DNAH10: variants seen among roughly 807,000 people sequenced by gnomAD.
The protein encoded by DNAH10 is dynein axonemal heavy chain 10, also known as axonemal beta dynein heavy chain 10.
Under a neutral mutation model 506.6 loss-of-function variants are expected in DNAH10, and 348 were observed. The ratio of observed to expected loss-of-function variants is 0.69; its 90% CI spans 0.63 to 0.75. The LOEUF (loss-of-function observed/expected upper bound fraction) is 0.75. Ranked by LOEUF, DNAH10 falls within the 30% of genes least tolerant of loss-of-function variation. The pLI is 0.00. For missense variants in DNAH10, 5,179 were observed against 5,787.1 expected, an observed-to-expected ratio of 0.89 and a Z score of 3.41; for synonymous variants, 2,059 against 2,198.6, an observed-to-expected ratio of 0.94 and a Z score of 1.78.
At chr12:123,797,030 C>T (rs369436182) in intron 13 of DNAH10, among the ~76,000 whole-genome samples, 198 bp downstream of exon 13, 1 of 152,294 alleles carries the variant, frequency 6.6e-6, no homozygotes, top group East Asian at 1.9e-4. Context: ...GCCACCACGT[C>T]CGGCTAATTT....
At chr12:123,852,818 C>G (rs1951227362) in intron 35 of DNAH10, among the ~76,000 whole-genome samples, 1 of 152,198 alleles carries the variant, frequency 6.6e-6, no homozygotes. Context: ...AGGTGATCCA[C>G]CCACCTTGGC....
Position 123,916,505 on chromosome 12 carries a change from A to G in DNAH10, c.10771A>G (p.Ile3591Val), listed in dbSNP as rs769496865. 6 of 1,613,716 alleles carry G rather than the reference A, an allele frequency of 3.7e-6. No homozygotes were observed. The highest frequency in any genetic ancestry group is 5.1e-6 in the Non-Finnish European group (6 of 1,179,836). Residue 3591 changes from isoleucine to valine, a missense_variant, in exon 63 of 79, where the codon ATA becomes GTA. Physicochemically the swap from Ile to Val is conservative, Grantham distance 29. Transcript: ENST00000673944. This position sits in a 1 kb window ranked among gnomAD's most constrained non-coding sequence, Gnocchi z 4.6. ...PDFLKQLEMS[I>V]KYGTPFLFRD... ...CTTCCTCAAGCAGCTAGAGATGTCCATAAAGTACGGGACCCCTTTCCTGTT... is the reference window on the plus strand; with the variant it reads ...CTTCCTCAAGCAGCTAGAGATGTCCGTAAAGTACGGGACCCCTTTCCTGTT...
chr12:123,928,856 GCCC>G lies in DNAH10; in HGVS notation c.12306+278_12306+280del, dbSNP rs11338827. 3.8e-5 allele frequency: 16 copies of G among 419,734 alleles called. No homozygotes were observed. Among genetic ancestry groups the G allele is most frequent in the Middle Eastern group, 6.1e-4 (1 of 1,628 alleles). 26.0% of individuals were successfully genotyped at this position (419,734 alleles called of 1,614,324 possible). ...TACGCTACTTTTCATAAACTTCACG[GCCC>G]CCCCCCCCACACACAGCCTGCAGTT... On this transcript the variant is annotated intron_variant, in intron 70 of 78. Transcript: ENST00000673944. This position sits in a 1 kb window ranked among gnomAD's most constrained non-coding sequence, Gnocchi z 4.9.
chr12:123,837,108 C>T (rs1365311965), intron 28 of DNAH10, among the ~76,000 whole-genome samples: 1 of 149,762 alleles, frequency 6.7e-6, no homozygotes, highest in African/African-American at 2.5e-5. Flanking sequence ...ACCTTGGCCT[C>T]CAAAAGTGCT....
chr12:123,878,243 G>A (rs1023507558), intron 48 of DNAH10, among the ~76,000 whole-genome samples: 5 of 152,150 alleles, frequency 3.3e-5, no homozygotes, highest in African/African-American at 1.2e-4. Flanking sequence ...AGTCGTTGCC[G>A]GTTGGTTATA....
chr12:123,777,561 A>G (rs34535130), intron 5 of DNAH10, among the ~76,000 whole-genome samples: 1 of 152,126 alleles, frequency 6.6e-6, no homozygotes. Flanking sequence ...CCTGAAGACA[A>G]CCTCCTTCAT....
In DNAH10 at chr12:123,848,795, T is replaced by C. The variant is rs1338676375; in HGVS notation, c.6015T>C (p.Asn2005=). The C allele has an allele frequency of 1.9e-6, 3 of 1,613,984 alleles. No individual in the cohort carries two copies. The highest frequency in any genetic ancestry group is 1.7e-6 in the Non-Finnish European group (2 of 1,179,884). ...CGAWGCFDEF[N]RIDASVLSVI... ...CTTGGGGCTGCTTTGATGAGTTTAA[T>C]CGAATCGATGCTTCTGTGCTCTCCG... Residue 2005 remains asparagine, a synonymous_variant, in exon 34 of 79, where the codon AAT becomes AAC. Coordinates refer to ENST00000673944, the MANE Select transcript of DNAH10 (RefSeq NM_001372106.1).
chr12:123,811,783 G>A (rs569560185), intron 19 of DNAH10, among the ~76,000 whole-genome samples: 15 of 152,090 alleles, frequency 9.9e-5, no homozygotes, highest in Admixed American at 5.9e-4. Flanking sequence ...GATTACAGGC[G>A]TGAGCCACTG....
At chr12:123,796,539 C>T in intron 12 of DNAH10, 117 bp from the exon 13 acceptor site, 2 of 848,052 alleles carry the variant, frequency 2.4e-6, no homozygotes, top group Non-Finnish European at 3.6e-6. Flanking sequence ...CACTATTCTG[C>T]ATCTTAGAAT....
chr12:123,802,697 G>A (rs913198776), intron 16 of DNAH10, among the ~76,000 whole-genome samples: 2 of 148,846 alleles, frequency 1.3e-5, no homozygotes, highest in Admixed American at 6.7e-5. Flanking sequence ...TGAGTGACTC[G>A]GTTTCTCTGC....
chr12:123,770,936 G>A (rs1957227634), intron 2 of DNAH10, among the ~76,000 whole-genome samples: 1 of 150,204 alleles, frequency 6.7e-6, no homozygotes, highest in Non-Finnish European at 1.5e-5. Context: ...GCATCTCATA[G>A]TGAAAAAGGA....
At chr12:123,770,898 G>A (rs1170772244) in intron 2 of DNAH10, among the ~76,000 whole-genome samples, 1 of 150,840 alleles carries the variant, frequency 6.6e-6, no homozygotes, top group African/African-American at 2.4e-5. Context: ...CATTTAGACT[G>A]TTTTTCTTCT....
intron 70 of DNAH10, 149 bp from the exon 71 acceptor site, chr12:123,929,125 TG>T: frequency 1.3e-6 from 1 of 781,116 alleles, no homozygotes; most frequent in Non-Finnish European, 2.0e-6. Flanking sequence ...CTTCTCAGCC[TG>T]GGCCCTGGAC....
In DNAH10 at chr12:123,787,730, C is replaced by A; in HGVS notation, c.1422-74C>A. On this transcript the variant is annotated intron_variant, in intron 9 of 78. Transcript: ENST00000673944. This position sits in a 1 kb window ranked among gnomAD's most constrained non-coding sequence, Gnocchi z 4.6. ...GGGTCAGAGCTTCACGGGACACTGG[C>A]TCCCCAGCCGGGGAGTGCGGCTCGG... is the stretch of plus-strand genomic sequence containing the variant. 6.5e-7 allele frequency: 1 copy of A among 1,541,572 alleles called. No homozygotes were observed. Among genetic ancestry groups the A allele is most frequent in the Non-Finnish European group, 8.8e-7 (1 of 1,134,934 alleles).
In DNAH10 at chr12:123,835,405, G is replaced by A; in HGVS notation, c.4780-1G>A. ...GACACTGACCTTTTGTACATTTACA[G>A]ATTTGGATGTTGGTTCAGAGAAAAT... On this transcript the variant is annotated splice_acceptor_variant, in intron 27 of 78. Coordinates refer to ENST00000673944, the MANE Select transcript of DNAH10 (RefSeq NM_001372106.1). LOFTEE classifies it high-confidence loss of function. The A allele has an allele frequency of 6.2e-7, 1 of 1,612,232 alleles. No homozygotes were observed. Among genetic ancestry groups the A allele is most frequent in the Non-Finnish European group, 8.5e-7 (1 of 1,179,098 alleles).
chr12:123,762,353 T>TA lies in DNAH10; in HGVS notation c.17_18insA (p.Leu7AlafsTer66). 7.4e-7 allele frequency: 1 copy of TA among 1,354,168 alleles called. No individual in the cohort carries two copies. The highest frequency in any genetic ancestry group is 9.5e-7 in the Non-Finnish European group (1 of 1,050,842). The allele number at this position is 1,354,168 out of a possible 1,614,324, so 83.9% of individuals were successfully genotyped here. Reference sequence around the variant, plus strand: ...CGCGGCGCCATGGACGACCTGCGGGTGCTGTGGATGCGCGACCGCGTGTAT... The same window carrying TA: ...CGCGGCGCCATGGACGACCTGCGGGTAGCTGTGGATGCGCGACCGCGTGTAT... On this transcript the variant is annotated frameshift_variant, in exon 1 of 79. Transcript: ENST00000673944. LOFTEE classifies it high-confidence loss of function. This position sits in a 1 kb window ranked among gnomAD's most constrained non-coding sequence, Gnocchi z 5.0.
chr12:123,887,106 G>A (rs1952768935), intron 51 of DNAH10, 36 bp from the exon 52 acceptor site: 1 of 1,560,302 alleles, frequency 6.4e-7, no homozygotes, highest in Non-Finnish European at 8.7e-7. Context: ...GAGGCTGGTG[G>A]TGGTGACGCC....
intron 42 of DNAH10, 27 bp downstream of exon 42, chr12:123,867,628 A>G (rs774289722): frequency 3.7e-6 from 6 of 1,611,314 alleles, no homozygotes; most frequent in Non-Finnish European, 4.2e-6. Flanking sequence ...GCTGTTAGCA[A>G]AAAGAAATTC....
chr12:123,784,249 A>T, intron 8 of DNAH10, 72 bp downstream of exon 8: 1 of 1,501,868 alleles, frequency 6.7e-7, no homozygotes, highest in Non-Finnish European at 9.2e-7. Flanking sequence ...TTCCCTTTTA[A>T]AAATGTTCAG....
Sources: gnomAD v4.1 joint callset for allele counts (sites outside exome capture counted in the v4.1 genomes callset) on GRCh38, gnomAD v4.1.1 for gene constraint, Gnocchi (gnomAD v3.1) non-coding constraint, MANE v1.5 for transcripts, NCBI Gene and HGNC (gene_info 2026-07-23, HGNC 2026-07-21) for gene names.